Variants in PCDH9 observed in about 807,000 individuals in gnomAD.
PCDH9 encodes protocadherin 9.
A neutral mutation model predicts 70.6 loss-of-function variants in PCDH9; 24 were observed. The ratio of observed to expected loss-of-function variants is 0.34; its 90% CI spans 0.25 to 0.48. PCDH9 has a LOEUF of 0.48. Among genes scored for constraint, PCDH9 ranks in the 20% least tolerant of loss-of-function variants. The pLI, the probability that PCDH9 is intolerant of heterozygous loss-of-function variation, is 0.99. For missense variants in PCDH9, 1,281 were observed against 1,503.6 expected, an observed-to-expected ratio of 0.85 and a Z score of 2.45; for synonymous variants, 562 against 558.5, an observed-to-expected ratio of 1.01 and a Z score of -0.09.
chr13:66,707,259 T>C (rs1435727527), intron 3 of PCDH9, among the ~76,000 whole-genome samples: 1 of 152,218 alleles, frequency 6.6e-6, no homozygotes, highest in Non-Finnish European at 1.5e-5. Context: ...TAATTTTTTG[T>C]CGTTTTGAAC....
intron 2 of PCDH9, among the ~76,000 whole-genome samples, chr13:67,118,252 T>A (rs767581597): frequency 7.2e-5 from 11 of 152,300 alleles, no homozygotes; most frequent in Middle Eastern, 6.8e-3. Flanking sequence ...AGCTTCTTGG[T>A]ACTACTAGCA....
Position 67,228,188 on chromosome 13 carries a change from T to C in PCDH9, c.253A>G (p.Ile85Val), listed in dbSNP as rs751667422. 18 of 1,613,222 alleles carry C rather than the reference T, an allele frequency of 1.1e-5. No individual in the cohort carries two copies. The highest frequency in any genetic ancestry group is 1.4e-5 in the Non-Finnish European group (16 of 1,179,768). Residue 85 changes from isoleucine to valine, a missense_variant, in exon 2 of 5, where the codon ATT becomes GTT. By Grantham distance (29) the Ile-to-Val change is conservative (BLOSUM62 3). Transcript: ENST00000377865. ...TCTATTCTGTTGGAGGTTGTGAAAATTTCCCCAGTGCTGCTGGAAACTTTC... is the reference window on the plus strand; with the variant it reads ...TCTATTCTGTTGGAGGTTGTGAAAACTTCCCCAGTGCTGCTGGAAACTTTC... ...LVKVSSSTGE[I>V]FTTSNRIDRE...
At chr13:67,059,318 T>C (rs2085485311) in intron 2 of PCDH9, among the ~76,000 whole-genome samples, 1 of 136,844 alleles carries the variant, frequency 7.3e-6, no homozygotes, top group Admixed American at 7.5e-5. Context: ...GAGACAGGAG[T>C]AAAAAAAAAA....
At chr13:66,372,283 G>A (rs532676797) in intron 4 of PCDH9, among the ~76,000 whole-genome samples, 9 of 151,820 alleles carry the variant, frequency 5.9e-5, no homozygotes, top group Non-Finnish European at 1.2e-4. Flanking sequence ...TGATACCAGA[G>A]TTCTAGTTTT....
At chr13:67,195,258 G>T (rs1318407556) in intron 2 of PCDH9, among the ~76,000 whole-genome samples, 1 of 151,462 alleles carries the variant, frequency 6.6e-6, no homozygotes. Flanking sequence ...CCATTCTCCT[G>T]CCTCAGCCTC....
intron 4 of PCDH9, among the ~76,000 whole-genome samples, chr13:66,397,575 A>G (rs557094079): frequency 6.6e-6 from 1 of 151,668 alleles, no homozygotes; most frequent in East Asian, 1.9e-4. Context: ...GTATACATAC[A>G]CAAAATATAC....
chr13:66,636,266 A>T (rs2077635880), intron 3 of PCDH9, among the ~76,000 whole-genome samples: 1 of 152,166 alleles, frequency 6.6e-6, no homozygotes, highest in African/African-American at 2.4e-5. Context: ...TTCATCACTT[A>T]TAGAAAATTA....
chr13:66,940,666 A>G (rs1357559878), intron 2 of PCDH9, among the ~76,000 whole-genome samples: 1 of 152,044 alleles, frequency 6.6e-6, no homozygotes, highest in Non-Finnish European at 1.5e-5. Flanking sequence ...GACATCCAAA[A>G]TAAGTTTACT....
intron 3 of PCDH9, among the ~76,000 whole-genome samples, chr13:66,860,967 T>G (rs1594165582): frequency 6.6e-6 from 1 of 152,222 alleles, no homozygotes; most frequent in Non-Finnish European, 1.5e-5. Flanking sequence ...GCTGGTACTA[T>G]GAGCCAATGC....
intron 2 of PCDH9, among the ~76,000 whole-genome samples, chr13:67,167,599 T>C (rs2088156999): frequency 6.6e-6 from 1 of 152,146 alleles, no homozygotes; most frequent in Admixed American, 6.5e-5. Flanking sequence ...TGACATTCCC[T>C]TGTGGCAGGA....
intron 3 of PCDH9, among the ~76,000 whole-genome samples, chr13:66,745,456 T>C (rs1287472376): frequency 6.6e-6 from 1 of 152,146 alleles, no homozygotes; most frequent in African/African-American, 2.4e-5. Context: ...TAATTTGACT[T>C]GAGAGATCAA....
At chr13:66,800,312 C>A (rs1594077441) in intron 3 of PCDH9, among the ~76,000 whole-genome samples, 1 of 152,152 alleles carries the variant, frequency 6.6e-6, no homozygotes, top group Non-Finnish European at 1.5e-5. Context: ...CTCATTTCAT[C>A]CAAGTCTTTG....
At chr13:66,582,127 A>G (rs2076900704) in intron 4 of PCDH9, among the ~76,000 whole-genome samples, 1 of 152,194 alleles carries the variant, frequency 6.6e-6, no homozygotes, top group Non-Finnish European at 1.5e-5. Context: ...ATTTTTATTA[A>G]GAAGGACAGA....
rs112409429 is a variant in PCDH9, at chr13:66,943,707, A to C, written c.3037-40102T>G. Among the ~76,000 whole-genome samples, 272 of 152,230 alleles carry C rather than the reference A, an allele frequency of 1.8e-3. 3 individuals are homozygous for C. Among genetic ancestry groups the C allele is most frequent in the African/African-American group, 6.3e-3 (260 of 41,566 alleles). The stretch of plus-strand genomic sequence containing the variant: ...ATGTGTATTTATGCTTTGCATTAAA[A>C]AAAAGGAATGTCTCTTAGTGTAATT... On this transcript the variant is annotated intron_variant, in intron 2 of 4. Transcript: ENST00000377865.
rs146767431 is a variant in PCDH9, at chr13:66,603,986, C to T, written c.3340+27224G>A. Among the ~76,000 whole-genome samples the T allele has an allele frequency of 9.0e-3, 1,373 of 151,926 alleles. 10 individuals are homozygous for T. Among genetic ancestry groups the T allele is most frequent in the Middle Eastern group, 0.065 (19 of 294 alleles). On this transcript the variant is annotated intron_variant, in intron 4 of 4. Transcript: ENST00000377865. ...TAGATGTGGTTGTAACCATGAACTC[C>T]CCTTTCATTTATGATGATTATTTTG...
At chr13:66,310,508 T>G (rs1955543406) in intron 4 of PCDH9, among the ~76,000 whole-genome samples, 1 of 152,082 alleles carries the variant, frequency 6.6e-6, no homozygotes, top group South Asian at 2.1e-4. Flanking sequence ...ATTAATTCAC[T>G]GCTGTAATTA....
chr13:66,862,521 C>A (rs753414513), intron 3 of PCDH9, among the ~76,000 whole-genome samples: 1 of 152,138 alleles, frequency 6.6e-6, no homozygotes, highest in Non-Finnish European at 1.5e-5. Flanking sequence ...GCTGTGTAGA[C>A]AGCCTGCACC....
chr13:66,953,023 C>G (rs2083208768), intron 2 of PCDH9, among the ~76,000 whole-genome samples: 1 of 151,718 alleles, frequency 6.6e-6, no homozygotes, highest in African/African-American at 2.4e-5. Flanking sequence ...GTAAAATGGA[C>G]TGTAGTATTA....
chr13:67,141,336 C>A (rs2095106242), intron 2 of PCDH9, among the ~76,000 whole-genome samples: 1 of 151,946 alleles, frequency 6.6e-6, no homozygotes, highest in African/African-American at 2.4e-5. Flanking sequence ...GCCTATAATC[C>A]CAGCATTTTG....
Sources: gnomAD v4.1 joint callset for allele counts (sites outside exome capture counted in the v4.1 genomes callset) on GRCh38, gnomAD v4.1.1 for gene constraint, MANE v1.5 for transcripts, NCBI Gene and HGNC (gene_info 2026-07-23, HGNC 2026-07-21) for gene names.